The following PEBP4 variants were observed in gnomAD, a reference collection of about 807,000 sequenced individuals.
PEBP4 encodes phosphatidylethanolamine-binding protein 4.
In PEBP4, 22 loss-of-function variants were observed where a neutral mutation model predicts 23.9. The ratio of observed to expected loss-of-function variants is 0.92; its 90% confidence interval spans 0.66 to 1.31. PEBP4 has a LOEUF of 1.31. Among genes scored for constraint, PEBP4 ranks in the 40% most tolerant of loss-of-function variants. The probability of loss-of-function intolerance (pLI) is 0.00; values close to 1 mark genes in which losing one functional copy is unlikely to be tolerated. For synonymous variants in PEBP4, 112 were observed against 99.3 expected, an observed-to-expected ratio of 1.13 and a Z score of -0.76; for missense variants, 324 against 281.7, an observed-to-expected ratio of 1.15 and a Z score of -1.07.
At chr8:22,914,985 TA>T (rs1809041302) in intron 3 of PEBP4, among the ~76,000 whole-genome samples, 1 of 152,106 alleles carries the variant, frequency 6.6e-6, no homozygotes, top group African/African-American at 2.4e-5. Context: ...GGTCCTGTCT[TA>T]GATGAGAAAT....
At chr8:22,908,665 G>C (rs1008935158) in intron 3 of PEBP4, among the ~76,000 whole-genome samples, 1 of 152,200 alleles carries the variant, frequency 6.6e-6, no homozygotes, top group Admixed American at 6.5e-5. Flanking sequence ...GGCTCCAAGT[G>C]TTCCATAGGC....
chr8:22,900,994 T>G (rs776774480), intron 3 of PEBP4, among the ~76,000 whole-genome samples: 2 of 152,220 alleles, frequency 1.3e-5, no homozygotes, highest in African/African-American at 4.8e-5. Context: ...AAGTGACAGA[T>G]GACAGGAGGA....
At chr8:22,731,476 A>G (rs1443106377) in intron 4 of PEBP4, among the ~76,000 whole-genome samples, 1 of 152,212 alleles carries the variant, frequency 6.6e-6, no homozygotes, top group East Asian at 1.9e-4. Flanking sequence ...TACATATAAC[A>G]TACAAAACAT....
At chr8:22,821,420 C>G (rs1044766766) in intron 3 of PEBP4, among the ~76,000 whole-genome samples, 4 of 152,084 alleles carry the variant, frequency 2.6e-5, no homozygotes, top group African/African-American at 7.2e-5. Context: ...GAGGAAGAAG[C>G]CAGGACGACT....
intron 4 of PEBP4, among the ~76,000 whole-genome samples, chr8:22,782,717 C>A (rs1033710126): frequency 1.3e-5 from 2 of 152,228 alleles, no homozygotes; most frequent in African/African-American, 4.8e-5. Context: ...AGAGCCCGAC[C>A]ACTTTCATCT....
intron 4 of PEBP4, among the ~76,000 whole-genome samples, chr8:22,789,702 CCA>C (rs1357375534): frequency 5.9e-5 from 9 of 152,240 alleles, no homozygotes; most frequent in African/African-American, 2.2e-4. Flanking sequence ...TCTGGGTGGC[CCA>C]GAGCTAGGCT....
At chr8:22,779,483 G>A (rs745331411) in intron 4 of PEBP4, among the ~76,000 whole-genome samples, 4 of 152,122 alleles carry the variant, frequency 2.6e-5, no homozygotes, top group Non-Finnish European at 5.9e-5. Context: ...CTTTAGCAGA[G>A]CATCTGGGTC....
rs1166111323 is a variant in PEBP4, at chr8:22,865,377, CGGT to C, written c.259-47645_259-47643del. 3.1e-4 allele frequency among the ~76,000 whole-genome samples: 47 copies of C among 150,726 alleles called. No homozygotes were observed. The highest frequency in any genetic ancestry group is 5.6e-4 in the Non-Finnish European group (38 of 67,614). On this transcript the variant is annotated intron_variant, in intron 3 of 6. Transcript: ENST00000256404. The surrounding 1 kb of genome is among the most constrained non-coding windows in gnomAD (Gnocchi z 6.9). ...CCACGGGCGGTGACGGTGGCGGTGG[CGGT>C]GGCGGCGGCGGGACCCCGGGCCTGG...
intron 4 of PEBP4, among the ~76,000 whole-genome samples, chr8:22,773,709 A>C (rs1012330132): frequency 5.9e-5 from 9 of 152,114 alleles, no homozygotes; most frequent in African/African-American, 2.2e-4. Flanking sequence ...CAGGCTTGTC[A>C]CTAGGGAGCG....
At chr8:22,716,527 C>T (rs1804423272) in intron 6 of PEBP4, among the ~76,000 whole-genome samples, 1 of 152,326 alleles carries the variant, frequency 6.6e-6, no homozygotes, top group South Asian at 2.1e-4. Context: ...GCTTTAGTCC[C>T]AGGGACTGTG....
intron 3 of PEBP4, among the ~76,000 whole-genome samples, chr8:22,883,173 T>C (rs879332834): frequency 8.5e-5 from 13 of 152,126 alleles, no homozygotes; most frequent in Non-Finnish European, 1.9e-4. Flanking sequence ...GGGATTATGA[T>C]GCTTGCTTAA....
intron 4 of PEBP4, among the ~76,000 whole-genome samples, chr8:22,797,276 A>C (rs1806282013): frequency 6.7e-6 from 1 of 148,910 alleles, no homozygotes. Context: ...AAAAAAAGAC[A>C]GAAAGAAAGA....
chr8:22,732,673 T>C (rs912833501), intron 4 of PEBP4, among the ~76,000 whole-genome samples: 5 of 151,974 alleles, frequency 3.3e-5, no homozygotes, highest in African/African-American at 1.2e-4. Flanking sequence ...TGTATGCACA[T>C]GTGTGTATGT....
At chr8:22,764,892 A>T (rs1440347819) in intron 4 of PEBP4, among the ~76,000 whole-genome samples, 1 of 151,934 alleles carries the variant, frequency 6.6e-6, no homozygotes, top group African/African-American at 2.4e-5. Flanking sequence ...CTGGGCATGG[A>T]GGTTGCAATC....
At chr8:22,810,660 T>C (rs1806599333) in intron 4 of PEBP4, among the ~76,000 whole-genome samples, 2 of 146,614 alleles carry the variant, frequency 1.4e-5, no homozygotes, top group South Asian at 4.4e-4. Context: ...TTGGGGTGTC[T>C]CATGGAGGGG....
intron 4 of PEBP4, among the ~76,000 whole-genome samples, chr8:22,730,717 C>T (rs1307746235): frequency 3.3e-5 from 5 of 152,092 alleles, no homozygotes; most frequent in Non-Finnish European, 7.4e-5. Context: ...GGGTACCAGC[C>T]CAGCATTTGA....
chr8:22,786,353 G>T (rs1806026818), intron 4 of PEBP4, among the ~76,000 whole-genome samples: 1 of 152,114 alleles, frequency 6.6e-6, no homozygotes, highest in African/African-American at 2.4e-5. Flanking sequence ...TGTGACCATA[G>T]CTCACTGCAG....
At chr8:22,920,105 G>T (rs1809167303) in intron 3 of PEBP4, 79 bp downstream of exon 3, 1 of 1,548,080 alleles carries the variant, frequency 6.5e-7, no homozygotes, top group African/African-American at 1.4e-5. Flanking sequence ...GCAGCTTCAA[G>T]TCACCCAGAT....
In PEBP4 at chr8:22,814,860, T is replaced by C. The variant is rs1806704932; in HGVS notation, c.357+2777A>G. On this transcript the variant is annotated intron_variant, in intron 4 of 6. Transcript: ENST00000256404. ...GGAAGCATCTACCCATAAAGGATAGTTAGAAAAAGAACTCTGGGAGTGAAC... is the reference window on the plus strand; with the variant it reads ...GGAAGCATCTACCCATAAAGGATAGCTAGAAAAAGAACTCTGGGAGTGAAC... Among the ~76,000 whole-genome samples, 2 of 151,792 alleles carry C rather than the reference T, an allele frequency of 1.3e-5. 1 individual carries two copies. The highest frequency in any genetic ancestry group is 4.2e-4 in the South Asian group (2 of 4,800).
Sources: gnomAD v4.1 joint callset for allele counts (sites outside exome capture counted in the v4.1 genomes callset) on GRCh38, gnomAD v4.1.1 for gene constraint, Gnocchi (gnomAD v3.1) non-coding constraint, MANE v1.5 for transcripts, NCBI Gene and HGNC (gene_info 2026-07-23, HGNC 2026-07-21) for gene names.